Variants in HIVEP3 observed in about 807,000 individuals in gnomAD.
HIVEP3 encodes transcription factor HIVEP3.
A neutral mutation model predicts 152.8 loss-of-function variants in HIVEP3; 49 were observed. The observed-to-expected ratio is 0.32, with a 90% CI of 0.26 to 0.41. The LOEUF (loss-of-function observed/expected upper bound fraction) is 0.41, where lower values mean the gene tolerates loss of function less well. Among genes scored for constraint, HIVEP3 ranks in the 10% least tolerant of loss-of-function variants. The pLI, the probability that HIVEP3 is intolerant of heterozygous loss-of-function variation, is 1.00. For missense variants in HIVEP3, 2,790 were observed against 3,103.3 expected (o/e 0.90, Z 2.40); for synonymous variants, 1,269 against 1,289.0 (o/e 0.98, Z 0.33).
At chr1:41,717,890 C>T (rs1026496386) in intron 1 of HIVEP3, among the ~76,000 whole-genome samples, 1 of 152,202 alleles carries the variant, frequency 6.6e-6, no homozygotes, top group African/African-American at 2.4e-5. Flanking sequence ...GCCTAGCTCA[C>T]GGCAGGCTCT....
rs149285409 is a variant in HIVEP3 at position 41,580,376 on chromosome 1, G to T, written c.4422C>A (p.Ser1474Arg). Residue 1474 changes from serine (S) to arginine (R), a missense_variant, in exon 4 of 9, where the codon AGC (serine) becomes AGA (arginine). By Grantham distance (110) the Ser-to-Arg change is moderately radical (BLOSUM62 -1). Transcript: ENST00000372583. ...TCTCTGGCCTCTTCCCATCCTCGGT[G>T]CTGGTAAGGACCACACTGCATGGTT... ...LVKPCSVVLT[S>R]TEDGKRPEKS... 8 of 1,614,174 alleles carry T rather than the reference G, an allele frequency of 5.0e-6. No homozygotes were observed. The highest frequency in any genetic ancestry group is 5.9e-6 in the Non-Finnish European group (7 of 1,180,040).
At chr1:41,964,468 C>G (rs1186104655) in intron 1 of HIVEP3, among the ~76,000 whole-genome samples, 1 of 152,172 alleles carries the variant, frequency 6.6e-6, no homozygotes, top group African/African-American at 2.4e-5. Context: ...ACACACAGAG[C>G]TATGCAGATG....
intron 5 of HIVEP3, among the ~76,000 whole-genome samples, chr1:41,572,779 G>A (rs1347646294): frequency 6.6e-6 from 1 of 152,206 alleles, no homozygotes; most frequent in Admixed American, 6.5e-5. Context: ...TTTGTGTCTG[G>A]CTTACTGATT....
intron 1 of HIVEP3, among the ~76,000 whole-genome samples, chr1:42,010,726 T>G (rs969377983): frequency 6.6e-6 from 1 of 152,188 alleles, no homozygotes; most frequent in African/African-American, 2.4e-5. Flanking sequence ...AAATCATTCA[T>G]AAGTTCAGAA....
intron 5 of HIVEP3, among the ~76,000 whole-genome samples, chr1:41,559,373 C>T (rs190048864): frequency 6.6e-6 from 1 of 152,334 alleles, no homozygotes; most frequent in East Asian, 1.9e-4. Flanking sequence ...CAAGTTGCAA[C>T]CCAACGTCCA....
chr1:41,605,276 G>T (rs922203521), intron 3 of HIVEP3, among the ~76,000 whole-genome samples: 1 of 151,196 alleles, frequency 6.6e-6, no homozygotes, highest in East Asian at 1.9e-4. Context: ...GGGGCAGGTG[G>T]GTATTTACTC....
intron 1 of HIVEP3, among the ~76,000 whole-genome samples, chr1:41,770,836 GT>G (rs1209601367): frequency 6.6e-6 from 1 of 151,938 alleles, no homozygotes; most frequent in African/African-American, 2.4e-5. Context: ...GGATGCTGTT[GT>G]GCTAATGTTA....
intron 5 of HIVEP3, among the ~76,000 whole-genome samples, chr1:41,548,727 G>A (rs1389997894): frequency 6.6e-6 from 1 of 152,086 alleles, no homozygotes; most frequent in East Asian, 1.9e-4. Context: ...GTAAAGACGG[G>A]GTTTTACCAT....
chr1:41,753,033 G>A (rs1183473526), intron 1 of HIVEP3, among the ~76,000 whole-genome samples: 1 of 152,204 alleles, frequency 6.6e-6, no homozygotes, highest in Admixed American at 6.5e-5. Context: ...TCTCTGAGTT[G>A]CTGTAAAGCG....
At position 41,581,629 on chromosome 1, in the gene HIVEP3, A is replaced by T. The variant is rs41269473; in HGVS notation, c.3169T>A (p.Ser1057Thr). The change falls in exon 4 of 9, where the codon TCT (serine) becomes ACT (threonine). Residue 1057 changes from serine to threonine, a missense_variant. Ser to Thr is a moderately conservative substitution (Grantham distance 58). Around this residue, in one of 9 missense-constraint regions of HIVEP3, gnomAD observed 1,078 missense variants for 1,165.3 expected, o/e 0.93. Transcript: ENST00000372583. This position sits in a 1 kb window ranked among gnomAD's most constrained non-coding sequence, Gnocchi z 4.5. ...CCCTTGGGGGCAACCTCCAACTCAG[A>T]TTCTGGAGGCCTGCTCAGAGAGGCC... is the stretch of plus-strand genomic sequence containing the variant. ...RQASLSRPPE[S>T]ELEVAPKGRQ... 0.037 allele frequency: 59,752 copies of T among 1,614,024 alleles called. 1,397 individuals carry two copies. The highest frequency in any genetic ancestry group is 0.078 in the South Asian group (7,066 of 91,060).
intron 2 of HIVEP3, among the ~76,000 whole-genome samples, chr1:41,668,195 T>A (rs1391851594): frequency 6.6e-6 from 1 of 152,200 alleles, no homozygotes; most frequent in Non-Finnish European, 1.5e-5. Context: ...GCAAGACAAA[T>A]GAGGCCTGAA....
At chr1:41,517,677 C>T (rs1036437219) in intron 7 of HIVEP3, among the ~76,000 whole-genome samples, 11 of 152,294 alleles carry the variant, frequency 7.2e-5, no homozygotes, top group African/African-American at 1.9e-4. Flanking sequence ...GACTGCCGTC[C>T]ACCACCAAAG....
At chr1:41,534,913 T>C (rs1643360778) in intron 5 of HIVEP3, among the ~76,000 whole-genome samples, 2 of 152,168 alleles carry the variant, frequency 1.3e-5, no homozygotes, top group African/African-American at 4.8e-5. Context: ...GGGTCTTGGT[T>C]CTGCTCTTGT....
chr1:41,627,475 G>A (rs1025126962), intron 3 of HIVEP3, among the ~76,000 whole-genome samples: 2 of 152,094 alleles, frequency 1.3e-5, no homozygotes, highest in African/African-American at 2.4e-5. Context: ...TCCAGGGAAC[G>A]ATTCCTTTAC....
intron 1 of HIVEP3, among the ~76,000 whole-genome samples, chr1:42,019,474 T>C (rs1311399101): frequency 6.6e-6 from 1 of 151,982 alleles, no homozygotes; most frequent in Non-Finnish European, 1.5e-5. Context: ...TTTATTCCTA[T>C]GAATTCGGTG....
At chr1:41,697,520 T>C (rs1216402704) in intron 2 of HIVEP3, among the ~76,000 whole-genome samples, 3 of 152,086 alleles carry the variant, frequency 2.0e-5, no homozygotes, top group Non-Finnish European at 4.4e-5. Context: ...TAACAAATCA[T>C]GATGTGGGGG....
chr1:41,943,230 A>G (rs988359444), intron 1 of HIVEP3, among the ~76,000 whole-genome samples: 5 of 152,200 alleles, frequency 3.3e-5, no homozygotes, highest in African/African-American at 1.2e-4. Flanking sequence ...ATTCTCAAAA[A>G]GAAGAAATGG....
intron 5 of HIVEP3, among the ~76,000 whole-genome samples, chr1:41,526,830 C>T (rs1642959075): frequency 7.8e-6 from 1 of 128,880 alleles, no homozygotes; most frequent in South Asian, 2.7e-4. Context: ...CCCACACTCC[C>T]TCACACCCGT....
At chr1:41,738,565 T>C (rs1401652757) in intron 1 of HIVEP3, among the ~76,000 whole-genome samples, 1 of 152,178 alleles carries the variant, frequency 6.6e-6, no homozygotes, top group Non-Finnish European at 1.5e-5. Flanking sequence ...AGAAAGATAG[T>C]AGAGTCTGAG....
Sources: allele counts gnomAD v4.1 joint callset (sites outside exome capture counted in the v4.1 genomes callset), GRCh38; gene constraint gnomAD v4.1.1; regional missense constraint gnomAD v4.1.1; non-coding constraint Gnocchi (gnomAD v3.1); transcripts MANE v1.5; gene names NCBI Gene and HGNC (gene_info 2026-07-23, HGNC 2026-07-21).